Variants in KAZN observed in about 807,000 individuals in gnomAD.
The protein encoded by KAZN is kazrin, periplakin interacting protein, also known as kazrin.
A neutral mutation model predicts 87.4 loss-of-function variants in KAZN; 40 were observed. That is an observed-to-expected ratio of 0.46 (90% confidence interval 0.36 to 0.60). The LOEUF (loss-of-function observed/expected upper bound fraction) is 0.60. KAZN is among the 20% of genes least tolerant of loss of function. The pLI is 0.00. For synonymous variants in KAZN, 466 were observed against 458.3 expected (o/e 1.02, Z -0.22); for missense variants, 898 against 1,073.9 (o/e 0.84, Z 2.29).
chr1:14,642,014 T>C (rs1336805422), intron 1 of KAZN, among the ~76,000 whole-genome samples: 1 of 152,160 alleles, frequency 6.6e-6, no homozygotes, highest in Non-Finnish European at 1.5e-5. Flanking sequence ...AGACATGAAC[T>C]CAAGAGGATA....
chr1:14,703,704 T>C (rs569868397), intron 1 of KAZN, among the ~76,000 whole-genome samples: 1 of 152,232 alleles, frequency 6.6e-6, no homozygotes, highest in South Asian at 2.1e-4. Context: ...ATAGTGAGAC[T>C]CTGTCTCTAC....
chr1:15,069,991 C>A (rs1223913258), intron 8 of KAZN, among the ~76,000 whole-genome samples: 1 of 152,238 alleles, frequency 6.6e-6, no homozygotes, highest in Non-Finnish European at 1.5e-5. Context: ...CATATTAACT[C>A]AGTTAACCCT....
At chr1:14,860,893 G>A (rs554162572) in intron 1 of KAZN, among the ~76,000 whole-genome samples, 110 of 152,266 alleles carry the variant, frequency 7.2e-4, no homozygotes, top group Admixed American at 1.8e-3. Context: ...TGCATTTTTG[G>A]CACTGGGGTT....
intron 2 of KAZN, among the ~76,000 whole-genome samples, chr1:14,997,540 T>C (rs2101991380): frequency 6.6e-6 from 1 of 152,192 alleles, no homozygotes; most frequent in South Asian, 2.1e-4. Flanking sequence ...GCACCTGGCC[T>C]TTCTGTTTTC....
At chr1:14,323,355 A>G (rs975826665) in intron 2 of KAZN, among the ~76,000 whole-genome samples, 2 of 152,134 alleles carry the variant, frequency 1.3e-5, no homozygotes, top group African/African-American at 4.8e-5. Flanking sequence ...ACATTGGTGA[A>G]CAGTATGAAT....
Position 14,548,400 on chromosome 1 carries a change from T to A in KAZN, c.250-50583T>A, listed in dbSNP as rs571792209. Among the ~76,000 whole-genome samples, 11 of 152,172 alleles carry A rather than the reference T, an allele frequency of 7.2e-5. No homozygotes were observed. In the South Asian group the frequency reaches 1.9e-3, roughly 26 times the overall value. ...TTTTAGTAGAGACAGGCTTTTGCCA[T>A]CTTGCCCAGGCAGGTCTCGAACCCC... On this transcript the variant is annotated intron_variant, in intron 2 of 16. Transcript: ENST00000636203.
At chr1:14,169,843 G>A (rs1645914365) in intron 1 of KAZN, among the ~76,000 whole-genome samples, 1 of 152,142 alleles carries the variant, frequency 6.6e-6, no homozygotes, top group South Asian at 2.1e-4. Flanking sequence ...AGAGAGAAAA[G>A]TGATACCCAA....
intron 1 of KAZN, among the ~76,000 whole-genome samples, chr1:14,888,430 A>C (rs1482028567): frequency 6.6e-6 from 1 of 152,188 alleles, no homozygotes; most frequent in African/African-American, 2.4e-5. Flanking sequence ...GGAGGCTCCA[A>C]TCAGCCCTCT....
intron 1 of KAZN, among the ~76,000 whole-genome samples, chr1:14,080,441 A>C (rs923484278): frequency 2.2e-5 from 3 of 135,620 alleles, no homozygotes; most frequent in African/African-American, 8.1e-5. Context: ...AGTCATCTCC[A>C]GTAAGGAGAA....
At chr1:13,933,384 C>T (rs945044109) in intron 1 of KAZN, among the ~76,000 whole-genome samples, 32 of 152,010 alleles carry the variant, frequency 2.1e-4, no homozygotes, top group Admixed American at 2.0e-3. Context: ...CCCAGCTACT[C>T]GGGAGGCTGA....
chr1:14,247,643 C>T (rs760791834), intron 2 of KAZN, among the ~76,000 whole-genome samples: 5 of 152,154 alleles, frequency 3.3e-5, no homozygotes, highest in Non-Finnish European at 5.9e-5. Flanking sequence ...TTAGGAAGTG[C>T]TTCGTGATCG....
In KAZN at chr1:15,104,179, C is replaced by T. The variant is rs867087192; in HGVS notation, c.2038C>T (p.His680Tyr). ...GGCAGAGGAGATGAGCGCCGTCTTC[C>T]ACCCAGCCAAGTGAGCACGGGCTGG... ...HLAEEMSAVF[H>Y]PANSTGIREA... The change falls in exon 13 of 15, where the codon CAC becomes TAC. Residue 680 changes from histidine (H) to tyrosine (Y), a missense_variant. By Grantham distance (83) the His-to-Tyr change is moderately conservative (BLOSUM62 2). This residue lies in a region of KAZN where 521 missense variants were observed against 689.4 expected (regional missense o/e 0.76). Coordinates refer to ENST00000376030, the MANE Select transcript of KAZN (RefSeq NM_201628.3). The T allele has an allele frequency of 6.3e-7, 1 of 1,583,070 alleles. No homozygotes were observed. The highest frequency in any genetic ancestry group is 2.3e-5 in the East Asian group (1 of 42,932).
chr1:14,538,674 A>G (rs1014916062), intron 2 of KAZN, among the ~76,000 whole-genome samples: 2 of 152,352 alleles, frequency 1.3e-5, no homozygotes, highest in East Asian at 3.9e-4. Flanking sequence ...GAGAAGACAC[A>G]TTGAAAACAT....
chr1:14,255,562 T>A (rs1650440827), intron 2 of KAZN, among the ~76,000 whole-genome samples: 1 of 152,218 alleles, frequency 6.6e-6, no homozygotes, highest in Non-Finnish European at 1.5e-5. Context: ...ATGGGAAGAA[T>A]GACTTGCACC....
intron 2 of KAZN, among the ~76,000 whole-genome samples, chr1:14,400,525 C>G (rs1197760678): frequency 6.6e-6 from 1 of 152,134 alleles, no homozygotes; most frequent in Non-Finnish European, 1.5e-5. Flanking sequence ...CAGCTCTTAC[C>G]CAGCATCCAC....
intron 1 of KAZN, among the ~76,000 whole-genome samples, chr1:14,892,447 C>A (rs1021801682): frequency 2.0e-5 from 3 of 151,482 alleles, no homozygotes; most frequent in Non-Finnish European, 4.4e-5. Flanking sequence ...ATCCTACAAT[C>A]CCTGGATCAT....
intron 2 of KAZN, among the ~76,000 whole-genome samples, chr1:14,535,061 C>T (rs1485033445): frequency 2.0e-5 from 3 of 152,146 alleles, no homozygotes; most frequent in Non-Finnish European, 2.9e-5. Context: ...AAGGAACAAA[C>T]TCTTTGTCTT....
At chr1:14,785,301 T>C (rs1645476259) in intron 1 of KAZN, among the ~76,000 whole-genome samples, 1 of 152,270 alleles carries the variant, frequency 6.6e-6, no homozygotes, top group East Asian at 1.9e-4. Flanking sequence ...AACTTTGTCA[T>C]TGACTGGCTC....
intron 2 of KAZN, among the ~76,000 whole-genome samples, chr1:15,033,585 G>T (rs1031987934): frequency 3.4e-4 from 52 of 152,278 alleles, no homozygotes; most frequent in African/African-American, 1.2e-3. Flanking sequence ...CCTTGCTATT[G>T]TCTGTTTTCT....
Sources: allele counts gnomAD v4.1 joint callset (sites outside exome capture counted in the v4.1 genomes callset), GRCh38; gene constraint gnomAD v4.1.1; regional missense constraint gnomAD v4.1.1; transcripts MANE v1.5; gene names NCBI Gene and HGNC (gene_info 2026-07-23, HGNC 2026-07-21).